GAN: variants seen among roughly 807,000 people sequenced by gnomAD.
GAN encodes the protein gigaxonin.
In GAN, 48 loss-of-function variants were observed where a neutral mutation model predicts 71.3. The ratio of observed to expected loss-of-function variants is 0.67; its 90% CI spans 0.53 to 0.86. The LOEUF (loss-of-function observed/expected upper bound fraction) is 0.86. Ranked by LOEUF, GAN falls within the 40% of genes least tolerant of loss-of-function variation. GAN has a pLI of 0.00. For synonymous variants in GAN, 386 were observed against 276.8 expected (o/e 1.39, Z -3.92); for missense variants, 928 against 770.1 (o/e 1.21, Z -2.43).
At chr16:81,367,696 T>C (rs16955184) in intron 9 of GAN, among the ~76,000 whole-genome samples, 4,605 of 152,268 alleles carry the variant, frequency 0.03, 240 homozygotes, top group African/African-American at 0.11. Context: ...CCAAATGCCA[T>C]GTATTTAATC....
chr16:81,373,923 A>C (rs1303329260), intron 9 of GAN, among the ~76,000 whole-genome samples: 1 of 152,090 alleles, frequency 6.6e-6, no homozygotes, highest in Admixed American at 6.5e-5. Context: ...TTGTATCTTT[A>C]GTAGAGATGA....
In GAN at chr16:81,383,106, G is replaced by A. The variant is rs939819773; in HGVS notation, c.*5510G>A. The A allele has an allele frequency of 1.3e-5, 2 of 151,946 alleles. No individual in the cohort carries two copies. Among genetic ancestry groups the A allele is most frequent in the Non-Finnish European group, 2.9e-5 (2 of 67,954 alleles). 9.4% of individuals were successfully genotyped at this position (151,946 alleles called of 1,614,324 possible). On this transcript the variant is annotated 3_prime_UTR_variant, in exon 11 of 11. Coordinates refer to ENST00000648994, the MANE Select transcript of GAN (RefSeq NM_022041.4). ...AGCCACCACGCTCCGTAGAAAGTTT[G>A]TTCTTTTTCAGTTCTGTCATTGAAA...
At chr16:81,372,967 A>G (rs952672989) in intron 9 of GAN, among the ~76,000 whole-genome samples, 2 of 152,238 alleles carry the variant, frequency 1.3e-5, no homozygotes, top group Admixed American at 6.5e-5. Flanking sequence ...CCTGACACCC[A>G]TCAACATTCA....
rs144128734 is a variant in GAN at position 81,366,058 on chromosome 16, G to A, written c.1502+580G>A. Among the ~76,000 whole-genome samples the A allele has an allele frequency of 5.7e-3, 873 of 152,134 alleles. 6 individuals are homozygous for A. Among genetic ancestry groups the A allele is most frequent in the African/African-American group, 0.02 (833 of 41,508 alleles). On this transcript the variant is annotated intron_variant, in intron 9 of 10. Transcript: ENST00000648994. ...CTACTTGCCTAAAAGCTCCCTTCCC[G>A]CTGTCCATCCAGTTAGCTTGGCCTT...
chr16:81,317,075 T>C (rs1225313194), intron 1 of GAN, among the ~76,000 whole-genome samples: 2 of 152,216 alleles, frequency 1.3e-5, no homozygotes, highest in Non-Finnish European at 2.9e-5. Context: ...GCCAGGCTGG[T>C]CTCGAACTCC....
At chr16:81,365,249 A>G (rs537433286) in intron 8 of GAN, 101 bp from the exon 9 acceptor site, 4 of 1,568,472 alleles carry the variant, frequency 2.6e-6, no homozygotes, top group African/African-American at 1.3e-5. Flanking sequence ...AGGAAGGCCC[A>G]CGTAGTAATG....
rs866231250 is a variant in GAN at position 81,344,181 on chromosome 16, A to G, written c.168-7402A>G. Reference sequence around the variant, plus strand: ...GAATCAATATTGTGAAAATGGCCTTACTGCCCAAAGTAATTTATAGATTTA... The same window carrying G: ...GAATCAATATTGTGAAAATGGCCTTGCTGCCCAAAGTAATTTATAGATTTA... On this transcript the variant is annotated intron_variant, in intron 1 of 10. Transcript: ENST00000648994. Among the ~76,000 whole-genome samples the G allele has an allele frequency of 2.6e-5, 4 of 152,234 alleles. No individual in the cohort carries two copies. The East Asian group carries it at 5.8e-4, about 22-fold the overall frequency.
intron 1 of GAN, among the ~76,000 whole-genome samples, chr16:81,330,263 T>C (rs1470242428): frequency 6.7e-6 from 1 of 149,428 alleles, no homozygotes; most frequent in Non-Finnish European, 1.5e-5. Context: ...GGATAATGTT[T>C]AAAACTCTAA....
intron 5 of GAN, among the ~76,000 whole-genome samples, 163 bp from the exon 6 acceptor site, chr16:81,362,336 C>T (rs139928199): frequency 2.6e-5 from 4 of 152,266 alleles, no homozygotes; most frequent in Admixed American, 2.6e-4. Context: ...GATGGTTTGG[C>T]TCCATCACCA....
At chr16:81,367,709 C>T (rs989897934) in intron 9 of GAN, among the ~76,000 whole-genome samples, 2 of 152,154 alleles carry the variant, frequency 1.3e-5, no homozygotes, top group Non-Finnish European at 2.9e-5. Context: ...ATTTAATCTT[C>T]AAAACAGCAC....
chr16:81,331,952 C>A (rs577075328), intron 1 of GAN, among the ~76,000 whole-genome samples: 5 of 151,954 alleles, frequency 3.3e-5, no homozygotes, highest in Non-Finnish European at 7.4e-5. Context: ...CACCTGAGGT[C>A]GGGAGTTTGA....
intron 1 of GAN, among the ~76,000 whole-genome samples, chr16:81,336,879 A>G (rs1909780754): frequency 6.6e-6 from 1 of 151,942 alleles, no homozygotes; most frequent in Non-Finnish European, 1.5e-5. Context: ...CTCCCCCATT[A>G]TCAGTATACC....
chr16:81,334,287 G>C (rs965099866), intron 1 of GAN, among the ~76,000 whole-genome samples: 16 of 152,324 alleles, frequency 1.1e-4, no homozygotes, highest in Middle Eastern at 3.4e-3. Context: ...GGGAAGGATA[G>C]GACTGTGGCT....
At chr16:81,331,422 AATTAGT>A (rs981593471) in intron 1 of GAN, among the ~76,000 whole-genome samples, 1 of 152,234 alleles carries the variant, frequency 6.6e-6, no homozygotes, top group African/African-American at 2.4e-5. Context: ...CATGTGGTTT[AATTAGT>A]ATTTCTGTAA....
chr16:81,359,842 G>A (rs929931446), intron 5 of GAN, among the ~76,000 whole-genome samples: 3 of 152,090 alleles, frequency 2.0e-5, no homozygotes, highest in Admixed American at 1.3e-4. Flanking sequence ...ATAAAACGAC[G>A]ATAACAATAT....
chr16:81,335,712 G>A lies in GAN; in HGVS notation c.168-15871G>A, dbSNP rs543777215. ...CAGTGAGCCAAGATCACGACACTGC[G>A]CTCCAGCCTGGGCAACTGAATGAGA... On this transcript the variant is annotated intron_variant, in intron 1 of 10. Coordinates refer to ENST00000648994, the MANE Select transcript of GAN (RefSeq NM_022041.4). 6.9e-5 allele frequency among the ~76,000 whole-genome samples: 9 copies of A among 129,948 alleles called. No homozygotes were observed. In the East Asian group the frequency reaches 1.4e-3, roughly 20 times the overall value. The allele number at this position is 129,948 out of a possible 152,430, so 85.3% of individuals were successfully genotyped here.
chr16:81,350,493 GTTTA>G (rs1228866842), intron 1 of GAN, among the ~76,000 whole-genome samples: 2 of 149,314 alleles, frequency 1.3e-5, no homozygotes, highest in African/African-American at 2.5e-5. Context: ...GGAAATTTTT[GTTTA>G]TTTATTTATT....
At chr16:81,336,748 G>A (rs977931535) in intron 1 of GAN, among the ~76,000 whole-genome samples, 4 of 152,184 alleles carry the variant, frequency 2.6e-5, no homozygotes, top group Non-Finnish European at 5.9e-5. Context: ...AAAGTGTTGG[G>A]ATTGTAGGTG....
intron 1 of GAN, among the ~76,000 whole-genome samples, chr16:81,319,206 TTA>T (rs57681055): frequency 3.6e-4 from 50 of 138,792 alleles, no homozygotes; most frequent in South Asian, 7.1e-4. Flanking sequence ...TAGATATAGA[TTA>T]TATATATATA....
Sources: allele counts gnomAD v4.1 joint callset (sites outside exome capture counted in the v4.1 genomes callset), GRCh38; gene constraint gnomAD v4.1.1; transcripts MANE v1.5; gene names NCBI Gene and HGNC (gene_info 2026-07-23, HGNC 2026-07-21).